The following DNAH3 variants were observed in gnomAD, a reference collection of about 807,000 sequenced individuals.
DNAH3 encodes axonemal beta dynein heavy chain 3.
In DNAH3, 332 loss-of-function variants were observed where a neutral mutation model predicts 432.5. That is an observed-to-expected ratio of 0.77 (90% CI 0.70 to 0.84). The LOEUF is 0.84. DNAH3 is among the 40% of genes least tolerant of loss of function. The pLI is 0.00. For synonymous variants in DNAH3, 1,956 were observed against 1,900.2 expected, an observed-to-expected ratio of 1.03 and a Z score of -0.76; for missense variants, 4,861 against 5,114.0, an observed-to-expected ratio of 0.95 and a Z score of 1.51.
chr16:21,002,441 G>A (rs977010653), intron 42 of DNAH3, among the ~76,000 whole-genome samples: 4 of 92,592 alleles, frequency 4.3e-5, no homozygotes, highest in Non-Finnish European at 6.5e-5. Context: ...ACTATCTGGT[G>A]TTGTTATTAT....
intron 30 of DNAH3, 96 bp from the exon 31 acceptor site, chr16:21,049,778 G>A (rs1281670654): frequency 7.3e-7 from 1 of 1,368,786 alleles, no homozygotes; most frequent in Non-Finnish European, 1.0e-6. Flanking sequence ...CTCTCTCCTT[G>A]CTCTGCTTGA....
intron 38 of DNAH3, among the ~76,000 whole-genome samples, chr16:21,025,231 C>T (rs1191841569): frequency 1.3e-5 from 2 of 151,892 alleles, no homozygotes; most frequent in East Asian, 1.9e-4. Flanking sequence ...TGAGCCACCT[C>T]GCCCGGCCTG....
chr16:20,951,376 A>C (rs185776827), intron 56 of DNAH3, among the ~76,000 whole-genome samples: 2 of 151,722 alleles, frequency 1.3e-5, no homozygotes. Flanking sequence ...CTCCTACCCC[A>C]AGATTTAATC....
exon 53 of DNAH3, chr16:20,964,741 G>A: frequency 6.2e-7 from 1 of 1,614,086 alleles, no homozygotes; most frequent in East Asian, 2.2e-5. Flanking sequence ...GATTTTTATG[G>A]GATCCCCTAA....
chr16:20,940,121 G>A (rs1455621057), intron 59 of DNAH3, among the ~76,000 whole-genome samples: 2 of 152,116 alleles, frequency 1.3e-5, no homozygotes, highest in Non-Finnish European at 2.9e-5. Context: ...ATAAGTACAC[G>A]GGCTCTGGAA....
At chr16:20,952,543 T>C in exon 56 of DNAH3, 1 of 1,602,436 alleles carries the variant, frequency 6.2e-7, no homozygotes, top group Non-Finnish European at 8.5e-7. Flanking sequence ...ATAGGGAATA[T>C]TCCACCCTGC....
chr16:20,935,067 T>C (rs747290644), intron 61 of DNAH3, among the ~76,000 whole-genome samples: 1 of 152,180 alleles, frequency 6.6e-6, no homozygotes. Flanking sequence ...GTCCACCACA[T>C]TGAACAAACA....
At chr16:21,017,364 C>G (rs1033325550) in intron 41 of DNAH3, among the ~76,000 whole-genome samples, 8 of 152,118 alleles carry the variant, frequency 5.3e-5, no homozygotes, top group East Asian at 1.9e-4. Context: ...TAGGGCAAAC[C>G]TGCCTCCCAT....
intron 24 of DNAH3, among the ~76,000 whole-genome samples, chr16:21,066,087 A>C (rs1286151679): frequency 6.6e-6 from 1 of 151,938 alleles, no homozygotes; most frequent in Non-Finnish European, 1.5e-5. Context: ...CGGCCTCCCA[A>C]AGTGCTGGGA....
At chr16:21,061,500 A>G (rs2090359781) in intron 25 of DNAH3, among the ~76,000 whole-genome samples, 1 of 152,190 alleles carries the variant, frequency 6.6e-6, no homozygotes, top group Non-Finnish European at 1.5e-5. Flanking sequence ...CTGGGATTAC[A>G]GGTGCAAGCC....
intron 9 of DNAH3, among the ~76,000 whole-genome samples, chr16:21,124,003 G>C (rs1174738868): frequency 6.6e-6 from 1 of 152,110 alleles, no homozygotes; most frequent in Non-Finnish European, 1.5e-5. Context: ...AGTCGACCAG[G>C]CTGGTCTCAA....
At chr16:21,121,224 A>T (rs915773515) in intron 10 of DNAH3, 1 of 375,176 alleles carries the variant, frequency 2.7e-6, no homozygotes, top group Non-Finnish European at 5.2e-6. Context: ...GAGTGAGGAA[A>T]AGATGGAGCT....
intron 44 of DNAH3, among the ~76,000 whole-genome samples, chr16:20,989,563 G>A (rs1054138023): frequency 3.9e-5 from 6 of 152,254 alleles, no homozygotes; most frequent in Admixed American, 2.6e-4. Flanking sequence ...CCAGACTCAG[G>A]AGCCCAGCTG....
chr16:20,991,595 TTA>T (rs1319233604), intron 44 of DNAH3, among the ~76,000 whole-genome samples: 2 of 152,180 alleles, frequency 1.3e-5, no homozygotes, highest in African/African-American at 4.8e-5. Context: ...TCTTTTTAAT[TTA>T]TAGTTTTTTC....
intron 5 of DNAH3, among the ~76,000 whole-genome samples, chr16:21,138,105 A>G (rs2092668370): frequency 6.6e-6 from 1 of 151,984 alleles, no homozygotes; most frequent in Non-Finnish European, 1.5e-5. Context: ...AAAATCAGCC[A>G]GGTGGGGTGG....
intron 24 of DNAH3, among the ~76,000 whole-genome samples, chr16:21,065,725 C>A (rs2090520285): frequency 6.6e-6 from 1 of 152,182 alleles, no homozygotes; most frequent in South Asian, 2.1e-4. Flanking sequence ...CAGCTAAGGG[C>A]TACTATATTG....
chr16:21,065,433 T>C (rs1052601692), intron 24 of DNAH3, among the ~76,000 whole-genome samples: 16 of 152,136 alleles, frequency 1.1e-4, no homozygotes, highest in Non-Finnish European at 7.3e-5. Context: ...AGTGCTAGGA[T>C]TACAGGCAGG....
intron 54 of DNAH3, among the ~76,000 whole-genome samples, chr16:20,955,438 G>C (rs1259759568): frequency 1.3e-5 from 2 of 151,708 alleles, no homozygotes; most frequent in Admixed American, 1.3e-4. Context: ...GTGAACTCAG[G>C]ACTCTCTGAC....
At chr16:21,037,782 C>G (rs1312058412) in exon 34 of DNAH3, 3 of 1,614,014 alleles carry the variant, frequency 1.9e-6, no homozygotes, top group Non-Finnish European at 2.5e-6. Flanking sequence ...GGACATCTTG[C>G]GCTAAGAACT....
Sources: gnomAD v4.1 joint callset for allele counts (sites outside exome capture counted in the v4.1 genomes callset) on GRCh38, gnomAD v4.1.1 for gene constraint, MANE v1.5 for transcripts, NCBI Gene and HGNC (gene_info 2026-07-23, HGNC 2026-07-21) for gene names.